HS3ST4: variants seen among roughly 807,000 people sequenced by gnomAD.
HS3ST4 encodes heparan sulfate glucosamine 3-O-sulfotransferase 4.
A neutral mutation model predicts 29.2 loss-of-function variants in HS3ST4; 17 were observed. The observed-to-expected ratio is 0.58, with a 90% CI of 0.40 to 0.87. The LOEUF (loss-of-function observed/expected upper bound fraction) is 0.87, where lower values mean the gene tolerates loss of function less well. Among genes scored for constraint, HS3ST4 ranks in the 40% least tolerant of loss-of-function variants. The pLI is 0.00. For missense variants in HS3ST4, 627 were observed against 634.5 expected (o/e 0.99, Z 0.13); for synonymous variants, 314 against 285.7 (o/e 1.10, Z -1.00).
At chr16:26,074,666 T>C (rs1898638422) in intron 1 of HS3ST4, among the ~76,000 whole-genome samples, 1 of 152,196 alleles carries the variant, frequency 6.6e-6, no homozygotes, top group South Asian at 2.1e-4. Context: ...TATACACATT[T>C]TTTTTTTATG....
intron 1 of HS3ST4, among the ~76,000 whole-genome samples, chr16:25,812,940 G>T (rs2141629275): frequency 6.6e-6 from 1 of 152,208 alleles, no homozygotes; most frequent in Middle Eastern, 3.4e-3. Context: ...ACCTCTTATA[G>T]AAAGAATTTT....
chr16:25,807,251 G>A (rs754738916), intron 1 of HS3ST4, among the ~76,000 whole-genome samples: 10 of 152,196 alleles, frequency 6.6e-5, no homozygotes, highest in Non-Finnish European at 1.3e-4. Flanking sequence ...TGGGATTACA[G>A]GCGTGAGCCA....
At chr16:25,730,409 C>G (rs536478881) in intron 1 of HS3ST4, among the ~76,000 whole-genome samples, 1 of 144,826 alleles carries the variant, frequency 6.9e-6, no homozygotes, top group Non-Finnish European at 1.5e-5. Flanking sequence ...CTCTCCCTCT[C>G]TCCCTCTCTT....
chr16:26,047,270 G>A lies in HS3ST4; in HGVS notation c.735-88342G>A, dbSNP rs118050296. On this transcript the variant is annotated intron_variant, in intron 1 of 1. Transcript: ENST00000331351. ...TCTAAGCCCCTGTAGGTCAGAAGTT[G>A]TAGCAGAAGTGCCTGGCTTTATTTT... Among the ~76,000 whole-genome samples, 871 of 152,358 alleles carry A rather than the reference G, an allele frequency of 5.7e-3. 6 individuals are homozygous for A. Among genetic ancestry groups the A allele is most frequent in the African/African-American group, 0.02 (817 of 41,576 alleles).
At chr16:26,098,300 C>T (rs1313301439) in intron 1 of HS3ST4, among the ~76,000 whole-genome samples, 1 of 152,136 alleles carries the variant, frequency 6.6e-6, no homozygotes, top group Non-Finnish European at 1.5e-5. Flanking sequence ...TTTATTTTGC[C>T]ACTATTCACA....
intron 1 of HS3ST4, among the ~76,000 whole-genome samples, chr16:25,749,226 G>A (rs1233354867): frequency 6.6e-6 from 1 of 152,176 alleles, no homozygotes; most frequent in Non-Finnish European, 1.5e-5. Context: ...GGGTGCAGTG[G>A]CTCACACCTG....
intron 1 of HS3ST4, among the ~76,000 whole-genome samples, chr16:25,696,267 C>A (rs1035206064): frequency 5.3e-5 from 8 of 152,190 alleles, no homozygotes; most frequent in Admixed American, 1.3e-4. Context: ...CCACAGTGCA[C>A]TTTTCAGAAT....
Position 26,000,000 on chromosome 16 carries a change from A to G in HS3ST4, c.735-135612A>G, listed in dbSNP as rs1011754986. ...TTTAGAATCCAAGAAATGTTTATCT[A>G]TTCTGTAGATAAATGTGTACATGTT... is the stretch of plus-strand genomic sequence containing the variant. On this transcript the variant is annotated intron_variant, in intron 1 of 1. Transcript: ENST00000331351. Among the ~76,000 whole-genome samples, 7 of 150,054 alleles carry G rather than the reference A, an allele frequency of 4.7e-5. No individual in the cohort carries two copies. The South Asian group carries it at 8.4e-4, about 18-fold the overall frequency.
At chr16:25,748,071 A>T (rs1232557987) in intron 1 of HS3ST4, among the ~76,000 whole-genome samples, 1 of 152,100 alleles carries the variant, frequency 6.6e-6, no homozygotes, top group Non-Finnish European at 1.5e-5. Flanking sequence ...CACTAATTTT[A>T]TTTATAATTA....
chr16:25,970,783 C>A (rs548283298), intron 1 of HS3ST4, among the ~76,000 whole-genome samples: 3 of 152,082 alleles, frequency 2.0e-5, no homozygotes, highest in South Asian at 4.2e-4. Flanking sequence ...CCATTTTTTT[C>A]TTTCATTTAT....
chr16:25,754,631 T>C (rs955332312), intron 1 of HS3ST4, among the ~76,000 whole-genome samples: 1 of 152,080 alleles, frequency 6.6e-6, no homozygotes, highest in Non-Finnish European at 1.5e-5. Flanking sequence ...AAGCACTTCT[T>C]CATAGGGTGG....
chr16:26,026,145 G>A (rs9938615), intron 1 of HS3ST4, among the ~76,000 whole-genome samples: 5,388 of 152,142 alleles, frequency 0.035, 337 homozygotes, highest in African/African-American at 0.12. Flanking sequence ...TTGACCTCGT[G>A]ATCTGCCTGC....
At chr16:25,778,643 T>G (rs1966849873) in intron 1 of HS3ST4, among the ~76,000 whole-genome samples, 1 of 152,054 alleles carries the variant, frequency 6.6e-6, no homozygotes, top group Non-Finnish European at 1.5e-5. Context: ...TGAGTGGGCC[T>G]CATCCAATCA....
intron 1 of HS3ST4, among the ~76,000 whole-genome samples, chr16:25,729,491 T>G (rs1188549779): frequency 2.6e-5 from 4 of 152,178 alleles, no homozygotes; most frequent in Middle Eastern, 6.3e-3. Context: ...GTAGTTAGGT[T>G]CCACGCTACC....
chr16:25,722,500 G>A (rs1407843824), intron 1 of HS3ST4, among the ~76,000 whole-genome samples: 1 of 152,150 alleles, frequency 6.6e-6, no homozygotes, highest in Non-Finnish European at 1.5e-5. Flanking sequence ...CTGGCCTTAC[G>A]GGAACTTACG....
intron 1 of HS3ST4, among the ~76,000 whole-genome samples, chr16:25,789,430 CCTTCCTTCCTTCCTTCCTTCCTTCCT>C (rs1966863755): frequency 1.6e-5 from 1 of 63,310 alleles, no homozygotes; most frequent in Non-Finnish European, 3.4e-5. Context: ...TTCCTTCCTT[CCTTCCTTCCTTCCTTCCTTCCTTCCT>C]TCCTTCCTTC....
intron 1 of HS3ST4, among the ~76,000 whole-genome samples, chr16:26,026,250 G>T (rs749849241): frequency 2.0e-5 from 3 of 152,182 alleles, no homozygotes; most frequent in African/African-American, 7.2e-5. Flanking sequence ...TTTCTCCTTA[G>T]GGTGATAACC....
intron 1 of HS3ST4, among the ~76,000 whole-genome samples, chr16:25,806,436 T>G (rs1966992196): frequency 6.6e-6 from 1 of 152,114 alleles, no homozygotes; most frequent in African/African-American, 2.4e-5. Flanking sequence ...TTCCCCATGC[T>G]CTCCCAGACA....
At chr16:25,722,509 C>T (rs1011807436) in intron 1 of HS3ST4, among the ~76,000 whole-genome samples, 7 of 152,308 alleles carry the variant, frequency 4.6e-5, no homozygotes, top group African/African-American at 9.6e-5. Flanking sequence ...CGGGAACTTA[C>T]GTTGATTTCT....
Sources: gnomAD v4.1 joint callset for allele counts (sites outside exome capture counted in the v4.1 genomes callset) on GRCh38, gnomAD v4.1.1 for gene constraint, MANE v1.5 for transcripts, NCBI Gene and HGNC (gene_info 2026-07-23, HGNC 2026-07-21) for gene names.